The following ALPK2 variants were observed in gnomAD, a reference collection of about 807,000 sequenced individuals.
ALPK2 encodes alpha kinase 2.
Under a neutral mutation model 163.1 loss-of-function variants are expected in ALPK2, and 127 were observed. That is an observed-to-expected ratio of 0.78 (90% confidence interval 0.67 to 0.90). The LOEUF is 0.90. Ranked by LOEUF, ALPK2 falls within the 40% of genes least tolerant of loss-of-function variation. The pLI is 0.00. For missense variants in ALPK2, 2,360 were observed against 2,589.6 expected, an observed-to-expected ratio of 0.91 and a Z score of 1.92; for synonymous variants, 953 against 959.1, an observed-to-expected ratio of 0.99 and a Z score of 0.12.
intron 3 of ALPK2, among the ~76,000 whole-genome samples, chr18:58,583,772 G>A (rs557650638): frequency 7.9e-5 from 12 of 151,660 alleles, no homozygotes; most frequent in Admixed American, 3.3e-4. Flanking sequence ...AGAAAAAGGC[G>A]GGGGGGCTGT....
chr18:58,567,880 T>C (rs9957531), intron 4 of ALPK2, among the ~76,000 whole-genome samples: 50,452 of 151,878 alleles, frequency 0.33, 8,528 homozygotes, highest in East Asian at 0.42. Context: ...GCAGGTTGAG[T>C]GGCGCCCCCA....
chr18:58,618,199 C>T (rs2052180042), intron 1 of ALPK2, among the ~76,000 whole-genome samples: 1 of 152,158 alleles, frequency 6.6e-6, no homozygotes, highest in African/African-American at 2.4e-5. Flanking sequence ...GCACAAGCCA[C>T]CATGCCTGGC....
rs73961638 is a variant in ALPK2, at chr18:58,597,600, C to G, written c.227+9722G>C. Among the ~76,000 whole-genome samples the G allele has an allele frequency of 6.5e-3, 993 of 152,272 alleles. 10 individuals are homozygous for G. The highest frequency in any genetic ancestry group is 0.023 in the African/African-American group (943 of 41,540). The stretch of plus-strand genomic sequence containing the variant: ...TATCTACTTATGATACTTAGTGTGT[C>G]TACTTACACTCTCACAGAGTGCTGC... On this transcript the variant is annotated intron_variant, in intron 3 of 12. Coordinates refer to ENST00000361673, the MANE Select transcript of ALPK2 (RefSeq NM_052947.4).
rs917177846 is a variant in ALPK2, at chr18:58,536,815, C to A, written c.3372G>T (p.Glu1124Asp). The change falls in exon 5 of 13, where the codon GAG (glutamate) becomes GAT (aspartate). Residue 1124 changes from glutamate to aspartate, a missense_variant. Physicochemically the swap from Glu to Asp is conservative, Grantham distance 45. Coordinates refer to ENST00000361673, the MANE Select transcript of ALPK2 (RefSeq NM_052947.4). ...VDRADFRSYE[E>D]NFQERGSETK... ...TTTCACTTCCTCTTTCTTGGAAATT[C>A]TCTTCATAGCTCCTAAAGTCTGCTC... 2 of 1,614,186 alleles carry A rather than the reference C, an allele frequency of 1.2e-6. No individual in the cohort carries two copies. Among genetic ancestry groups the A allele is most frequent in the Non-Finnish European group, 1.7e-6 (2 of 1,180,032 alleles).
chr18:58,534,835 TCTTC>T lies in ALPK2; in HGVS notation c.5348_5351del (p.Gly1783GlufsTer6). Reference sequence around the variant, plus strand: ...TGATGGACAGCAACAGAACCTCACCTCTTCCTTCTCTTTTGCAAGATGGCTTTTT... The same window carrying T: ...TGATGGACAGCAACAGAACCTCACCTCTTCTCTTTTGCAAGATGGCTTTTT... On this transcript the variant is annotated frameshift_variant and splice_region_variant, in exon 5 of 13. Coordinates refer to ENST00000361673, the MANE Select transcript of ALPK2 (RefSeq NM_052947.4). 1 of 1,605,762 alleles carries T rather than the reference TCTTC, an allele frequency of 6.2e-7. No homozygotes were observed. The highest frequency in any genetic ancestry group is 8.5e-7 in the Non-Finnish European group (1 of 1,176,818).
chr18:58,579,321 G>T lies in ALPK2; in HGVS notation c.1455C>A (p.Leu485=). 1 of 1,614,124 alleles carries T rather than the reference G, an allele frequency of 6.2e-7. No homozygotes were observed. The highest frequency in any genetic ancestry group is 1.3e-5 in the African/African-American group (1 of 75,030). ...TCTCTCTTACTGATTCATCCATGTT[G>T]AGCAGATTGTCACTGGCAAATTCCT... The part of the protein sequence containing the change: ...AREEFASDNL[L]NMDESVRETE... The change falls in exon 4 of 13, where the codon CTC becomes CTA. Residue 485 remains leucine, a synonymous_variant. Transcript: ENST00000361673.
intron 4 of ALPK2, among the ~76,000 whole-genome samples, chr18:58,568,780 T>G (rs2051870011): frequency 6.6e-6 from 1 of 152,206 alleles, no homozygotes; most frequent in Non-Finnish European, 1.5e-5. Flanking sequence ...TGGAGATGAT[T>G]TGAAGTGAAC....
chr18:58,602,544 C>T (rs2052076522), intron 3 of ALPK2, among the ~76,000 whole-genome samples: 1 of 152,138 alleles, frequency 6.6e-6, no homozygotes, highest in African/African-American at 2.4e-5. Flanking sequence ...ATCTCTGTCT[C>T]TGTCTTCCCA....
At chr18:58,510,040 C>T (rs1197584249) in intron 10 of ALPK2, among the ~76,000 whole-genome samples, 1 of 152,102 alleles carries the variant, frequency 6.6e-6, no homozygotes, top group Admixed American at 6.6e-5. Flanking sequence ...AGTCTTTAAT[C>T]CATCTTGAAT....
chr18:58,521,007 C>T (rs894156154), intron 8 of ALPK2, among the ~76,000 whole-genome samples: 4 of 152,264 alleles, frequency 2.6e-5, no homozygotes, highest in African/African-American at 9.6e-5. Flanking sequence ...AAGAGTGAGA[C>T]CCTGTCTCAA....
chr18:58,526,222 C>T lies in ALPK2; in HGVS notation c.5502-2160G>A, dbSNP rs184784068. ...CTGTGCAGACAAATGCAAAAGAAGC[C>T]CATGTCCAGAGTGTGATCAGAAGAA... On this transcript the variant is annotated intron_variant, in intron 6 of 12. Coordinates refer to ENST00000361673, the MANE Select transcript of ALPK2 (RefSeq NM_052947.4). Among the ~76,000 whole-genome samples the T allele has an allele frequency of 4.6e-5, 7 of 152,220 alleles. No individual in the cohort carries two copies. The East Asian group carries it at 1.4e-3, about 29-fold the overall frequency.
rs149579513 is a variant in ALPK2, at chr18:58,547,232, G to A, written c.1963-9008C>T. On this transcript the variant is annotated intron_variant, in intron 4 of 12. Transcript: ENST00000361673. Reference sequence around the variant, plus strand: ...CCCCTCATTTGCAATCAGAGGTTCCGTGGACTCCTATGGCTTCTAGATCTA... The same window carrying A: ...CCCCTCATTTGCAATCAGAGGTTCCATGGACTCCTATGGCTTCTAGATCTA... Among the ~76,000 whole-genome samples, 378 of 152,256 alleles carry A rather than the reference G, an allele frequency of 2.5e-3. 3 individuals carry two copies. Among genetic ancestry groups the A allele is most frequent in the African/African-American group, 8.7e-3 (361 of 41,538 alleles).
intron 3 of ALPK2, among the ~76,000 whole-genome samples, chr18:58,604,640 A>G (rs1476599012): frequency 6.6e-6 from 1 of 152,232 alleles, no homozygotes; most frequent in Non-Finnish European, 1.5e-5. Context: ...GACCACATCT[A>G]TTACAGGGCT....
intron 4 of ALPK2, among the ~76,000 whole-genome samples, chr18:58,575,162 G>A (rs1327131569): frequency 3.4e-5 from 5 of 148,790 alleles, no homozygotes; most frequent in African/African-American, 7.5e-5. Context: ...GCGGTGGGCC[G>A]AGATCACACC....
At chr18:58,501,016 T>C (rs2051429008) in intron 11 of ALPK2, among the ~76,000 whole-genome samples, 1 of 152,270 alleles carries the variant, frequency 6.6e-6, no homozygotes, top group South Asian at 2.1e-4. Flanking sequence ...AGTTTAATTC[T>C]AATTCCAGTG....
chr18:58,485,179 T>G (rs2051332324), intron 12 of ALPK2, among the ~76,000 whole-genome samples: 1 of 152,208 alleles, frequency 6.6e-6, no homozygotes. Flanking sequence ...GAGAGAGTGC[T>G]GGCCGTTGTT....
intron 4 of ALPK2, among the ~76,000 whole-genome samples, chr18:58,549,905 C>T (rs115563243): frequency 0.025 from 3,785 of 152,160 alleles, 92 homozygotes; most frequent in East Asian, 0.11. Flanking sequence ...TCTCAGTTTC[C>T]CTTAGCTTGC....
intron 12 of ALPK2, 136 bp downstream of exon 12, chr18:58,497,913 A>T: frequency 1.3e-6 from 1 of 744,230 alleles, no homozygotes; most frequent in Non-Finnish European, 2.3e-6. Flanking sequence ...AGAGAAATGA[A>T]TTCATTCCAA....
chr18:58,609,217 G>A (rs1207608114), intron 2 of ALPK2, among the ~76,000 whole-genome samples: 1 of 151,974 alleles, frequency 6.6e-6, no homozygotes, highest in Non-Finnish European at 1.5e-5. Flanking sequence ...AAACACCTGA[G>A]TAGTTACCCT....
Sources: allele counts gnomAD v4.1 joint callset (sites outside exome capture counted in the v4.1 genomes callset), GRCh38; gene constraint gnomAD v4.1.1; transcripts MANE v1.5; gene names NCBI Gene and HGNC (gene_info 2026-07-23, HGNC 2026-07-21).